MYOCD: variants seen among roughly 807,000 people sequenced by gnomAD.
MYOCD encodes the protein myocardin.
MYOCD carries 32 observed loss-of-function variants against 96.1 expected under a neutral mutation model. The ratio of observed to expected loss-of-function variants is 0.33; its 90% CI spans 0.25 to 0.45. The LOEUF is 0.45. Ranked by LOEUF, MYOCD falls within the 20% of genes least tolerant of loss-of-function variation. The pLI, the probability that MYOCD is intolerant of heterozygous loss-of-function variation, is 1.00. For synonymous variants in MYOCD, 469 were observed against 469.0 expected, an observed-to-expected ratio of 1.00 and a Z score of 0.00; for missense variants, 1,133 against 1,200.6, an observed-to-expected ratio of 0.94 and a Z score of 0.83.
intron 1 of MYOCD, among the ~76,000 whole-genome samples, chr17:12,673,492 T>C (rs1481842023): frequency 6.6e-6 from 1 of 152,206 alleles, no homozygotes; most frequent in African/African-American, 2.4e-5. Context: ...GTTTTTGCTT[T>C]AAAGACTGTA....
intron 1 of MYOCD, among the ~76,000 whole-genome samples, chr17:12,701,103 T>C (rs1046146031): frequency 3.9e-5 from 6 of 152,210 alleles, no homozygotes; most frequent in African/African-American, 1.2e-4. Flanking sequence ...GAATATATGG[T>C]TATAACACAT....
At chr17:12,714,323 GCACACACACACACACA>G (rs4054959) in intron 2 of MYOCD, among the ~76,000 whole-genome samples, 3 of 136,052 alleles carry the variant, frequency 2.2e-5, no homozygotes, top group Admixed American at 7.5e-5. Flanking sequence ...TGAGGCACGT[GCACACACACACACACA>G]CACACACACA....
intron 5 of MYOCD, among the ~76,000 whole-genome samples, chr17:12,735,362 T>C (rs999641316): frequency 6.6e-6 from 1 of 152,178 alleles, no homozygotes; most frequent in Non-Finnish European, 1.5e-5. Context: ...GTCATTCTAG[T>C]CCCATCTGGT....
intron 2 of MYOCD, chr17:12,706,097 T>C (rs577114103): frequency 1.3e-5 from 2 of 152,348 alleles, no homozygotes; most frequent in East Asian, 1.9e-4. Flanking sequence ...TGGCTAAACA[T>C]TGAAAGTTTA....
chr17:12,711,819 C>T (rs1163393755), intron 2 of MYOCD, among the ~76,000 whole-genome samples: 1 of 152,096 alleles, frequency 6.6e-6, no homozygotes, highest in African/African-American at 2.4e-5. Flanking sequence ...GCTTTTGCAT[C>T]AGAATCACCC....
chr17:12,752,182 C>A (rs1371708230), intron 9 of MYOCD, among the ~76,000 whole-genome samples: 1 of 152,154 alleles, frequency 6.6e-6, no homozygotes, highest in Non-Finnish European at 1.5e-5. Flanking sequence ...CTCTACATTT[C>A]TATGACTCTA....
chr17:12,721,710 C>T (rs557110100), intron 4 of MYOCD, among the ~76,000 whole-genome samples: 3 of 152,230 alleles, frequency 2.0e-5, no homozygotes, highest in Non-Finnish European at 4.4e-5. Flanking sequence ...GCATCTTGTA[C>T]GGAGGCACCA....
intron 9 of MYOCD, among the ~76,000 whole-genome samples, chr17:12,749,900 A>C (rs2032794350): frequency 6.6e-6 from 1 of 151,854 alleles, no homozygotes; most frequent in African/African-American, 2.4e-5. Context: ...CCCAGGCTGG[A>C]GTGCAGTGGC....
Position 12,747,318 on chromosome 17 carries a change from G to A in MYOCD, c.1125+1246G>A, listed in dbSNP as rs143040896. Among the ~76,000 whole-genome samples, 121 of 152,162 alleles carry A rather than the reference G, an allele frequency of 8.0e-4. 1 individual carries two copies. The highest frequency in any genetic ancestry group is 2.5e-3 in the Admixed American group (38 of 15,254). ...GTGGCTGGACTTGACCACTCACTGT[G>A]TGTATGGGGAGAGGCGCCATCTGAG... On this transcript the variant is annotated intron_variant, in intron 9 of 13. Coordinates refer to ENST00000425538, the MANE Select transcript of MYOCD (RefSeq NM_001146312.3).
At chr17:12,679,542 A>G (rs1910322830) in intron 1 of MYOCD, among the ~76,000 whole-genome samples, 1 of 152,208 alleles carries the variant, frequency 6.6e-6, no homozygotes, top group South Asian at 2.1e-4. Flanking sequence ...AATGGTTAAT[A>G]TACCTACATT....
intron 1 of MYOCD, among the ~76,000 whole-genome samples, chr17:12,688,558 C>CCTTCCATCTTCTTT: frequency 6.8e-6 from 1 of 146,160 alleles, no homozygotes; most frequent in Non-Finnish European, 1.5e-5. Context: ...CTTCTTCCTT[C>CCTTCCATCTTCTTT]CTTCCTTCCT....
chr17:12,719,515 A>G (rs1417525591), intron 4 of MYOCD, among the ~76,000 whole-genome samples: 2 of 152,052 alleles, frequency 1.3e-5, no homozygotes, highest in Non-Finnish European at 2.9e-5. Flanking sequence ...TGAATAAACT[A>G]TGGATCAACC....
Position 12,762,797 on chromosome 17 carries a change from CCTCAAGGGA to C in MYOCD, c.2390-273_2390-265del, listed in dbSNP as rs796179883. 7 of 390,152 alleles carry C rather than the reference CCTCAAGGGA, an allele frequency of 1.8e-5. No individual in the cohort carries two copies. In the South Asian group the frequency reaches 2.7e-4, roughly 15 times the overall value. 24.2% of individuals were successfully genotyped at this position (390,152 alleles called of 1,614,324 possible). A position where few individuals can be genotyped will look rare whatever the true frequency, so the allele number is the denominator to read the frequency against. On this transcript the variant is annotated intron_variant, in intron 13 of 13. Transcript: ENST00000425538. ...GATGGTGTTGGGATGGACTCAGTGT[CCTCAAGGGA>C]CTACCAGGGGTCAGAGGAGTAGGCC...
At chr17:12,711,676 C>CT (rs1211300763) in intron 2 of MYOCD, among the ~76,000 whole-genome samples, 3 of 152,126 alleles carry the variant, frequency 2.0e-5, no homozygotes. Context: ...CAGACATACT[C>CT]TTTCTCTTCA....
Position 12,722,941 on chromosome 17 carries a change from A to G in MYOCD, c.348A>G (p.Pro116=), listed in dbSNP as rs747102785. 1 of 1,614,012 alleles carries G rather than the reference A, an allele frequency of 6.2e-7. No individual in the cohort carries two copies. Among genetic ancestry groups the G allele is most frequent in the Non-Finnish European group, 8.5e-7 (1 of 1,180,014 alleles). The change falls in exon 5 of 14, where the codon CCA becomes CCG. Residue 116 remains proline (P), a synonymous_variant. Transcript: ENST00000425538. ...DDLNEKIALR[P]GPLELVEKNI... is the part of the protein sequence containing the mutation. ...TCAATGAAAAAATTGCTCTACGACC[A>G]GGGCCACTGGAGCTGGTGGAAAAAA... is the stretch of plus-strand genomic sequence containing the variant.
At chr17:12,678,280 TTATA>T (rs1910213824) in intron 1 of MYOCD, among the ~76,000 whole-genome samples, 1 of 151,406 alleles carries the variant, frequency 6.6e-6, no homozygotes, top group Non-Finnish European at 1.5e-5. Flanking sequence ...GCAAAGTGTT[TTATA>T]TATCTATCAT....
At chr17:12,704,507 C>A (rs902796716) in intron 1 of MYOCD, among the ~76,000 whole-genome samples, 2 of 152,096 alleles carry the variant, frequency 1.3e-5, no homozygotes, top group African/African-American at 4.8e-5. Context: ...CTAAGAAAAG[C>A]ACAACTCCAA....
chr17:12,670,540 G>A (rs1481348791), intron 1 of MYOCD, among the ~76,000 whole-genome samples: 1 of 152,058 alleles, frequency 6.6e-6, no homozygotes, highest in African/African-American at 2.4e-5. Context: ...CCATGAGCTC[G>A]AGAGAAGCCC....
intron 8 of MYOCD, 51 bp from the exon 9 acceptor site, chr17:12,745,868 A>C: frequency 1.3e-6 from 2 of 1,595,512 alleles, no homozygotes; most frequent in Non-Finnish European, 1.7e-6. Context: ...AATGCAAGTT[A>C]TCCCACCAAT....
Sources: gnomAD v4.1 joint callset for allele counts (sites outside exome capture counted in the v4.1 genomes callset) on GRCh38, gnomAD v4.1.1 for gene constraint, MANE v1.5 for transcripts, NCBI Gene and HGNC (gene_info 2026-07-23, HGNC 2026-07-21) for gene names.